Variants in KNDC1 observed in about 807,000 individuals in gnomAD.
The protein encoded by KNDC1 is kinase non-catalytic C-lobe domain-containing protein 1.
KNDC1 carries 106 observed loss-of-function variants against 172.8 expected under a neutral mutation model. The observed-to-expected ratio is 0.61, with a 90% CI of 0.52 to 0.72. The LOEUF is 0.72. Among genes scored for constraint, KNDC1 ranks in the 30% least tolerant of loss-of-function variants. The pLI is 0.00. For missense variants in KNDC1, 2,325 were observed against 2,394.5 expected (o/e 0.97, Z 0.61); for synonymous variants, 1,083 against 1,062.2 (o/e 1.02, Z -0.38).
chr10:133,178,085 GGT>G (rs1315062588), intron 3 of KNDC1, among the ~76,000 whole-genome samples: 34 of 149,786 alleles, frequency 2.3e-4, no homozygotes, highest in East Asian at 1.4e-3. Flanking sequence ...TGTGCAGTTT[GGT>G]GTGTGTGCAG....
chr10:133,194,525 CAAAAT>C (rs1044625301), intron 9 of KNDC1, among the ~76,000 whole-genome samples: 14 of 152,288 alleles, frequency 9.2e-5, no homozygotes, highest in Admixed American at 8.5e-4. Context: ...ACAATTATCA[CAAAAT>C]AAAAGGTTAA....
At chr10:133,190,559 T>C (rs1428860498) in intron 9 of KNDC1, among the ~76,000 whole-genome samples, 1 of 152,142 alleles carries the variant, frequency 6.6e-6, no homozygotes, top group Admixed American at 6.5e-5. Context: ...CCTCACATAT[T>C]GAGACTTGGA....
intron 22 of KNDC1, 40 bp downstream of exon 22, chr10:133,211,609 C>G: frequency 6.2e-7 from 1 of 1,603,050 alleles, no homozygotes; most frequent in Admixed American, 1.7e-5. Context: ...ACCCGGGGCT[C>G]CCACAGTGGG....
In KNDC1 at chr10:133,189,669, G is replaced by A. The variant is rs201339344; in HGVS notation, c.1513G>A (p.Gly505Ser). 2.0e-5 allele frequency: 33 copies of A among 1,613,964 alleles called. No homozygotes were observed. The highest frequency in any genetic ancestry group is 1.0e-4 in the Admixed American group (6 of 60,024). Residue 505 changes from glycine to serine, a missense_variant and splice_region_variant, in exon 8 of 30, where the codon GGT (glycine) becomes AGT (serine). By Grantham distance (56) the Gly-to-Ser change is moderately conservative. Transcript: ENST00000304613. ...AVLFQPPPAN[G>S]SYDSFFLAPE... is the part of the protein sequence containing the mutation. ...GCTCTTCCAGCCACCCCCTGCCAAC[G>A]GTGAGTGTGTGGGTTCCCCTCAGGC...
chr10:133,201,870 A>G lies in KNDC1; in HGVS notation c.3359A>G (p.Asp1120Gly). The G allele has an allele frequency of 1.1e-5, 16 of 1,474,612 alleles. No homozygotes were observed. Among genetic ancestry groups the G allele is most frequent in the Non-Finnish European group, 1.4e-5 (16 of 1,114,462 alleles). 91.3% of individuals were successfully genotyped at this position (1,474,612 alleles called of 1,614,324 possible). Reference protein sequence around the residue: ...YVKDLGRQQADGALPDAQSPE... With the variant: ...YVKDLGRQQAGGALPDAQSPE... Reference sequence around the variant, plus strand: ...AAGGACCTGGGGCGGCAGCAGGCGGACGGGGCCCTGCCCGACGCCCAGAGC... The same window carrying G: ...AAGGACCTGGGGCGGCAGCAGGCGGGCGGGGCCCTGCCCGACGCCCAGAGC... The change falls in exon 17 of 30, where the codon GAC becomes GGC. Residue 1120 changes from aspartate to glycine, a missense_variant. Transcript: ENST00000304613.
At chr10:133,180,208 C>A (rs1366641181) in intron 3 of KNDC1, among the ~76,000 whole-genome samples, 1 of 152,252 alleles carries the variant, frequency 6.6e-6, no homozygotes, top group Non-Finnish European at 1.5e-5. Context: ...CCCCCGCGGG[C>A]AGCACACAGT....
intron 9 of KNDC1, among the ~76,000 whole-genome samples, chr10:133,195,006 A>G (rs547816625): frequency 2.6e-5 from 4 of 152,322 alleles, no homozygotes; most frequent in Admixed American, 2.0e-4. Context: ...CATTTACTGA[A>G]ATGAATGAAA....
At chr10:133,177,199 T>G (rs1310861331) in intron 3 of KNDC1, among the ~76,000 whole-genome samples, 1 of 138,498 alleles carries the variant, frequency 7.2e-6, no homozygotes, top group African/African-American at 2.5e-5. Context: ...TGCACGTGTA[T>G]GTAGTATAGT....
chr10:133,224,902 C>G lies in KNDC1; in HGVS notation c.*12C>G, dbSNP rs1468816053. 1 of 1,597,726 alleles carries G rather than the reference C, an allele frequency of 6.3e-7. No individual in the cohort carries two copies. The highest frequency in any genetic ancestry group is 2.2e-5 in the East Asian group (1 of 44,706). On this transcript the variant is annotated 3_prime_UTR_variant, in exon 30 of 30. Coordinates refer to ENST00000304613, the MANE Select transcript of KNDC1 (RefSeq NM_152643.8). The surrounding 1 kb of genome is among the most constrained non-coding windows in gnomAD (Gnocchi z 5.4). The stretch of plus-strand genomic sequence containing the variant: ...CTACATTCCAGTAGCCGAGCTCGGG[C>G]CTGGTGTGGAATTCCAGATCCGAAT...
rs965110820 is a variant in KNDC1, at chr10:133,209,245, T to C, written c.3795-1366T>C. ...GTTTTGTGTGGTGCGTATGCACATG[T>C]GTGGTGTGTGGTATGCGGTAGTGTG... On this transcript the variant is annotated intron_variant, in intron 20 of 29. Coordinates refer to ENST00000304613, the MANE Select transcript of KNDC1 (RefSeq NM_152643.8). The surrounding 1 kb of genome is among the most constrained non-coding windows in gnomAD (Gnocchi z 4.9). Among the ~76,000 whole-genome samples, 1 of 149,206 alleles carries C rather than the reference T, an allele frequency of 6.7e-6. No homozygotes were observed. Among genetic ancestry groups the C allele is most frequent in the Non-Finnish European group, 1.5e-5 (1 of 67,464 alleles).
In KNDC1 at chr10:133,206,667, G is replaced by A. The variant is rs755315000; in HGVS notation, c.3388-18G>A. On this transcript the variant is annotated intron_variant, in intron 17 of 29. Coordinates refer to ENST00000304613, the MANE Select transcript of KNDC1 (RefSeq NM_152643.8). ...TGTTGGGGCTGCCTGGGGCTTAGGC[G>A]CTGTGTTTCGTCCCCAGGAGCTGGA... is the stretch of plus-strand genomic sequence containing the variant. The A allele has an allele frequency of 7.5e-6, 12 of 1,608,520 alleles. No homozygotes were observed. The highest frequency in any genetic ancestry group is 4.5e-5 in the East Asian group (2 of 44,874).
At chr10:133,181,806 T>TA in intron 3 of KNDC1, among the ~76,000 whole-genome samples, 1 of 137,022 alleles carries the variant, frequency 7.3e-6, no homozygotes, top group Non-Finnish European at 1.6e-5. Flanking sequence ...TGTGTGCCCG[T>TA]GTCCAGACCA....
In KNDC1 at chr10:133,198,637, AAG is replaced by A; in HGVS notation, c.2130_2131del (p.Gly711Ter). The A allele has an allele frequency of 6.2e-6, 10 of 1,605,630 alleles. No homozygotes were observed. Among genetic ancestry groups the A allele is most frequent in the Non-Finnish European group, 8.5e-6 (10 of 1,176,732 alleles). On this transcript the variant is annotated frameshift_variant, in exon 14 of 30. Coordinates refer to ENST00000304613, the MANE Select transcript of KNDC1 (RefSeq NM_152643.8). LOFTEE classifies it high-confidence loss of function. ...GAGAGGGGCGGCCAGAGGGAGGGAG[AAG>A]GTGAGGAGAAGCTCTCCCTGGAGGC... is the stretch of plus-strand genomic sequence containing the variant.
At chr10:133,167,170 C>T (rs927684778) in intron 1 of KNDC1, 23 of 593,696 alleles carry the variant, frequency 3.9e-5, no homozygotes, top group South Asian at 1.8e-4. Flanking sequence ...AGCACGCCGA[C>T]GGTGCCACCA....
intron 29 of KNDC1, among the ~76,000 whole-genome samples, chr10:133,223,452 C>CGT (rs1564904203): frequency 7.8e-5 from 1 of 12,852 alleles, no homozygotes; most frequent in African/African-American, 2.3e-4. Flanking sequence ...CTCTTCCCGG[C>CGT]ATGTGTGTGT....
intron 4 of KNDC1, 23 bp downstream of exon 4, chr10:133,183,513 AC>A (rs1234676345): frequency 3.8e-6 from 6 of 1,584,304 alleles, no homozygotes; most frequent in East Asian, 4.5e-5. Flanking sequence ...GCCCTGGGCC[AC>A]CCCAGGCTGT....
At chr10:133,187,601 C>T (rs929642153) in intron 6 of KNDC1, among the ~76,000 whole-genome samples, 1 of 152,236 alleles carries the variant, frequency 6.6e-6, no homozygotes, top group Non-Finnish European at 1.5e-5. Flanking sequence ...CACGCCTTCC[C>T]ACGCACAACA....
At chr10:133,182,558 C>T (rs1434865832) in intron 3 of KNDC1, among the ~76,000 whole-genome samples, 1 of 152,248 alleles carries the variant, frequency 6.6e-6, no homozygotes, top group Non-Finnish European at 1.5e-5. Flanking sequence ...CCACAGGCAG[C>T]CGTCCTGGGA....
chr10:133,199,592 C>T lies in KNDC1; in HGVS notation c.2893C>T (p.Pro965Ser). Residue 965 changes from proline to serine, a missense_variant, in exon 15 of 30, where the codon CCC becomes TCC. Pro to Ser is a moderately conservative substitution (Grantham distance 74, BLOSUM62 -1). Transcript: ENST00000304613. ...LFKVVNGQAS[P>S]SPSTAEEAGS... ...TAAGGTGGTCAACGGGCAGGCGTCA[C>T]CCTCCCCAAGGTGGGTGCCCAGTTC... The T allele has an allele frequency of 6.2e-7, 1 of 1,613,394 alleles. No homozygotes were observed. The highest frequency in any genetic ancestry group is 8.5e-7 in the Non-Finnish European group (1 of 1,179,914).
Sources: allele counts gnomAD v4.1 joint callset (sites outside exome capture counted in the v4.1 genomes callset), GRCh38; gene constraint gnomAD v4.1.1; non-coding constraint Gnocchi (gnomAD v3.1); transcripts MANE v1.5; gene names NCBI Gene and HGNC (gene_info 2026-07-23, HGNC 2026-07-21).